Variants in PSMG4 observed in about 807,000 individuals in gnomAD.
PSMG4 encodes proteasome assembly chaperone 4.
In PSMG4, 10 loss-of-function variants were observed where a neutral mutation model predicts 11.0. The ratio of observed to expected loss-of-function variants is 0.91; its 90% CI spans 0.56 to 1.54. The LOEUF (loss-of-function observed/expected upper bound fraction) is 1.54, where lower values mean the gene tolerates loss of function less well. Among genes scored for constraint, PSMG4 ranks in the 40% most tolerant of loss-of-function variants. The pLI is 0.00. For missense variants in PSMG4, 198 were observed against 160.9 expected (o/e 1.23, Z -1.25); for synonymous variants, 95 against 71.3 (o/e 1.33, Z -1.68).
intron 2 of PSMG4, chr6:3,264,851 A>C: frequency 6.3e-6 from 1 of 157,524 alleles, no homozygotes; most frequent in Non-Finnish European, 1.4e-5. Flanking sequence ...ACATGAAAGT[A>C]AAGCTGCCTT....
chr6:3,254,598 A>C (rs1364638472), upstream of PSMG4, among the ~76,000 whole-genome samples: 1 of 152,092 alleles, frequency 6.6e-6, no homozygotes, highest in Non-Finnish European at 1.5e-5. Context: ...GGAAGTAAAT[A>C]ATTCCAGTAG....
chr6:3,262,157 G>A (rs761780491), intron 1 of PSMG4, among the ~76,000 whole-genome samples: 5 of 152,128 alleles, frequency 3.3e-5, no homozygotes, highest in Non-Finnish European at 5.9e-5. Flanking sequence ...GCCTGCTCAG[G>A]GATTCTTGGA....
At chr6:3,255,282 T>C (rs1467727363), upstream of PSMG4, 2 of 1,536,374 alleles carry the variant, frequency 1.3e-6, no homozygotes, top group Non-Finnish European at 8.8e-7. Flanking sequence ...CTTACGGGTC[T>C]ATCGGTGCCC....
At chr6:3,262,289 A>G (rs4421240) in intron 1 of PSMG4, among the ~76,000 whole-genome samples, 103,633 of 152,132 alleles carry the variant, frequency 0.68, 38,387 homozygotes, top group Non-Finnish European at 0.83. Context: ...TAAGGGTGAC[A>G]CGATGGGGCT....
upstream of PSMG4, chr6:3,255,227 C>T (rs753102597): frequency 3.5e-5 from 55 of 1,549,566 alleles, no homozygotes; most frequent in South Asian, 4.2e-4. Context: ...AAAATCAACT[C>T]TGGTAAGCCT....
chr6:3,255,996 T>C (rs1029045091), upstream of PSMG4, among the ~76,000 whole-genome samples: 7 of 152,250 alleles, frequency 4.6e-5, no homozygotes, highest in Non-Finnish European at 8.8e-5. Flanking sequence ...GCAGCCACAA[T>C]GGGGATTGCT....
chr6:3,263,643 G>C lies in PSMG4; in HGVS notation c.175-41G>C, dbSNP rs765499056. 16 of 1,474,578 alleles carry C rather than the reference G, an allele frequency of 1.1e-5. No individual in the cohort carries two copies. In the East Asian group the frequency reaches 1.8e-4, roughly 16 times the overall value. 91.3% of individuals were successfully genotyped at this position (1,474,578 alleles called of 1,614,324 possible). A position where few individuals can be genotyped will look rare whatever the true frequency, so the allele number is the denominator to read the frequency against. ...AGCCAGAAGTGTGGCTGGCCTGCGGGGGGTGGAGAAGCTGCAGTGTGCCCT... is the reference window on the plus strand; with the variant it reads ...AGCCAGAAGTGTGGCTGGCCTGCGGCGGGTGGAGAAGCTGCAGTGTGCCCT... On this transcript the variant is annotated intron_variant, in intron 1 of 2. Transcript: ENST00000438998.
upstream of PSMG4, chr6:3,255,298 G>C: frequency 6.6e-7 from 1 of 1,524,036 alleles, no homozygotes; most frequent in South Asian, 1.2e-5. Context: ...TGCCCATCCT[G>C]GGAGAGTGGT....
chr6:3,263,723 TC>T lies in PSMG4; in HGVS notation c.216del (p.Asp73ThrfsTer11), dbSNP rs1387284027. The T allele has an allele frequency of 5.2e-6, 8 of 1,551,200 alleles. No homozygotes were observed. The highest frequency in any genetic ancestry group is 7.0e-6 in the Non-Finnish European group (8 of 1,146,746). ...PVSTSLLGDT[S>X]DTTSTGLAQR... is the part of the protein sequence containing the mutation. ...GTCTACCTCCCTCCTTGGAGACACT[TC>T]CGACACGACCTCTACTGGCCTTGCC... is the stretch of plus-strand genomic sequence containing the variant. On this transcript the variant is annotated frameshift_variant, in exon 2 of 3. Transcript: ENST00000438998. LOFTEE classifies it high-confidence loss of function.
At position 3,258,986 on chromosome 6, in the gene PSMG4, C is replaced by T. The variant is rs905831483; in HGVS notation, c.-37C>T. The T allele has an allele frequency of 5.7e-6, 7 of 1,238,156 alleles. No individual in the cohort carries two copies. The highest frequency in any genetic ancestry group is 2.9e-4 in the Middle Eastern group (1 of 3,418). 76.7% of individuals were successfully genotyped at this position (1,238,156 alleles called of 1,614,324 possible). A position where few individuals can be genotyped will look rare whatever the true frequency, so the allele number is the denominator to read the frequency against. On this transcript the variant is annotated 5_prime_UTR_variant, in exon 1 of 3. Coordinates refer to ENST00000438998, the MANE Select transcript of PSMG4 (RefSeq NM_001128591.2). ...GGCGGGGCTGGCAGCGGCGAGGACC[C>T]GGGTCTGGCGCTGTGGGCCGGGAGC...
At chr6:3,255,130 T>C (rs891324235), upstream of PSMG4, 1 of 1,551,066 alleles carries the variant, frequency 6.4e-7, no homozygotes, top group Admixed American at 2.0e-5. Flanking sequence ...TTACCACGTA[T>C]TGGTCATTCT....
At chr6:3,254,547 A>G (rs74683564), upstream of PSMG4, among the ~76,000 whole-genome samples, 4,979 of 151,132 alleles carry the variant, frequency 0.033, 274 homozygotes, top group African/African-American at 0.11. Flanking sequence ...GAAGGTGTGC[A>G]GATTTGTTCT....
chr6:3,255,987 C>T (rs113438007), upstream of PSMG4, among the ~76,000 whole-genome samples: 204 of 152,346 alleles, frequency 1.3e-3, 2 homozygotes, highest in African/African-American at 4.6e-3. Flanking sequence ...TCTGCTATGG[C>T]AGCCACAATG....
intron 2 of PSMG4, chr6:3,267,170 A>AT (rs11305981): frequency 9.6e-4 from 142 of 148,342 alleles, no homozygotes; most frequent in South Asian, 5.3e-3. Context: ...TTGTGTTTAA[A>AT]TTTTTTTTTT....
chr6:3,264,039 C>A, intron 2 of PSMG4: 1 of 1,399,222 alleles, frequency 7.1e-7, no homozygotes. Flanking sequence ...AGTTGCCTTC[C>A]GTAAGTGCAT....
upstream of PSMG4, among the ~76,000 whole-genome samples, chr6:3,256,985 T>C (rs988594684): frequency 1.1e-4 from 16 of 151,930 alleles, no homozygotes; most frequent in Non-Finnish European, 2.2e-4. Context: ...AAGGACAGGG[T>C]CAGAGCACAG....
upstream of PSMG4, among the ~76,000 whole-genome samples, chr6:3,258,286 CAGAG>C (rs776820740): frequency 3.8e-4 from 58 of 152,242 alleles, no homozygotes; most frequent in East Asian, 9.6e-4. Flanking sequence ...AACTGAGTCT[CAGAG>C]AGGTTAAGGG....
chr6:3,256,075 G>A (rs936434678), upstream of PSMG4, among the ~76,000 whole-genome samples: 14 of 152,182 alleles, frequency 9.2e-5, no homozygotes, highest in African/African-American at 3.1e-4. Context: ...GCAATATGAA[G>A]TCTACCACCA....
upstream of PSMG4, chr6:3,255,341 C>CTATG (rs751630452): frequency 1.4e-6 from 2 of 1,463,468 alleles, no homozygotes; most frequent in Non-Finnish European, 1.8e-6. Context: ...TGGAGTCATT[C>CTATG]TATGTAGTTG....
Sources: gnomAD v4.1 joint callset for allele counts (sites outside exome capture counted in the v4.1 genomes callset) on GRCh38, gnomAD v4.1.1 for gene constraint, MANE v1.5 for transcripts, NCBI Gene and HGNC (gene_info 2026-07-23, HGNC 2026-07-21) for gene names.